The following DNAH12 variants were observed in gnomAD, a reference collection of about 807,000 sequenced individuals.
DNAH12 encodes dynein axonemal heavy chain 12.
DNAH12 carries 285 observed loss-of-function variants against 371.5 expected under a neutral mutation model. The ratio of observed to expected loss-of-function variants is 0.77; its 90% CI spans 0.70 to 0.85. The LOEUF (loss-of-function observed/expected upper bound fraction) is 0.85. DNAH12 is among the 40% of genes least tolerant of loss of function. The pLI is 0.00. For missense variants in DNAH12, 3,611 were observed against 3,689.4 expected (o/e 0.98, Z 0.55); for synonymous variants, 1,200 against 1,213.0 (o/e 0.99, Z 0.22).
intron 8 of DNAH12, among the ~76,000 whole-genome samples, chr3:57,505,134 C>A (rs1252255540): frequency 1.3e-5 from 2 of 152,150 alleles, no homozygotes; most frequent in Admixed American, 6.5e-5. Context: ...AGTGACCCGC[C>A]TGCTTTGGCC....
chr3:57,309,305 A>G, intron 68 of DNAH12, 51 bp from the exon 69 acceptor site: 1 of 1,353,048 alleles, frequency 7.4e-7, no homozygotes, highest in Non-Finnish European at 1.0e-6. Flanking sequence ...ATGGATAATT[A>G]GCTTAATTCA....
At position 57,470,615 on chromosome 3, in the gene DNAH12, G is replaced by A. The variant is rs2066338529; in HGVS notation, c.1933C>T (p.Leu645=). ...MQQYVTDVRQ[L]QKRIQESEEA... is the part of the protein sequence containing the mutation. ...TCAGATTCCTGAATACGTTTTTGTA[G>A]TTGTCTTACATCTGTCACATACTGA... The change falls in exon 16 of 74, where the codon CTA becomes TTA. Residue 645 remains leucine, a synonymous_variant. Coordinates refer to ENST00000495027, the MANE Select transcript of DNAH12 (RefSeq NM_001366028.2). The A allele has an allele frequency of 3.9e-6, 6 of 1,539,718 alleles. No individual in the cohort carries two copies. The highest frequency in any genetic ancestry group is 5.2e-6 in the Non-Finnish European group (6 of 1,144,568).
Position 57,468,784 on chromosome 3 carries a change from A to G in DNAH12, c.2301T>C (p.Ala767=), listed in dbSNP as rs374744704. Residue 767 remains alanine (A), a synonymous_variant, in exon 17 of 74, where the codon GCT becomes GCC. Coordinates refer to ENST00000495027, the MANE Select transcript of DNAH12 (RefSeq NM_001366028.2). ...TGACTGTACTGCACATAGTAATAGT[A>G]GCATTGTCTTTTGGTTCTTCTTCAA... The part of the protein sequence containing the change: ...EKIEEEPKDN[A]TITMCSTVME... 54 of 1,530,134 alleles carry G rather than the reference A, an allele frequency of 3.5e-5. No individual in the cohort carries two copies. Among genetic ancestry groups the G allele is most frequent in the Non-Finnish European group, 4.6e-5 (52 of 1,142,034 alleles). 94.8% of individuals were successfully genotyped at this position (1,530,134 alleles called of 1,614,324 possible).
Position 57,489,684 on chromosome 3 carries a change from T to A in DNAH12, c.1339A>T (p.Ile447Leu). The change falls in exon 12 of 74, where the codon ATA becomes TTA. Residue 447 changes from isoleucine (I) to leucine (L), a missense_variant. Ile to Leu is a conservative substitution (Grantham distance 5). Transcript: ENST00000495027. ...DHTFDEYTEFIEKFLSLASEI... is the reference protein window; with the variant it reads ...DHTFDEYTEFLEKFLSLASEI... ...GAGGCAAGACTGAGAAATTTTTCTATAAACTTGAAAAAAAGTGTTCAAATG... is the reference window on the plus strand; with the variant it reads ...GAGGCAAGACTGAGAAATTTTTCTAAAAACTTGAAAAAAAGTGTTCAAATG... 6.7e-7 allele frequency: 1 copy of A among 1,500,852 alleles called. No individual in the cohort carries two copies. Among genetic ancestry groups the A allele is most frequent in the Admixed American group, 2.9e-5 (1 of 34,368 alleles). 93.0% of individuals were successfully genotyped at this position (1,500,852 alleles called of 1,614,324 possible).
intron 15 of DNAH12, among the ~76,000 whole-genome samples, chr3:57,471,120 C>A (rs1013917726): frequency 2.6e-5 from 4 of 151,958 alleles, no homozygotes; most frequent in Non-Finnish European, 5.9e-5. Context: ...TAACATAGTT[C>A]CAGTTTTGGG....
chr3:57,462,963 G>A, intron 17 of DNAH12, 88 bp from the exon 18 acceptor site: 2 of 815,072 alleles, frequency 2.5e-6, no homozygotes, highest in Non-Finnish European at 3.7e-6. Context: ...TGATATAAGG[G>A]TTACATTTCT....
chr3:57,302,547 A>T (rs1422610092), intron 69 of DNAH12, among the ~76,000 whole-genome samples: 1 of 87,492 alleles, frequency 1.1e-5, no homozygotes, highest in Non-Finnish European at 2.1e-5. Context: ...ATATATATAT[A>T]TATATATATA....
intron 70 of DNAH12, among the ~76,000 whole-genome samples, chr3:57,297,741 C>A (rs1002114386): frequency 3.3e-5 from 5 of 152,242 alleles, no homozygotes; most frequent in African/African-American, 1.2e-4. Context: ...TCTTTCTGTA[C>A]CAGTGCATGT....
rs1194759851 is a variant in DNAH12, at chr3:57,445,202, T to C, written c.4397A>G (p.Lys1466Arg). The C allele has an allele frequency of 1.3e-6, 2 of 1,546,706 alleles. No homozygotes were observed. Among genetic ancestry groups the C allele is most frequent in the East Asian group, 4.9e-5 (2 of 40,798 alleles). Reference sequence around the variant, plus strand: ...TATATCTTCATTTTCATTTGGGTATTTTAGTTTTAGATTGCCAGCAGCCAC... The same window carrying C: ...TATATCTTCATTTTCATTTGGGTATCTTAGTTTTAGATTGCCAGCAGCCAC... ...VLVAAGNLKL[K>R]YPNENEDILL... The change falls in exon 28 of 74, where the codon AAA (lysine) becomes AGA (arginine). Residue 1466 changes from lysine to arginine, a missense_variant. Transcript: ENST00000495027.
chr3:57,517,088 G>A (rs752731865), intron 4 of DNAH12, among the ~76,000 whole-genome samples: 4 of 151,982 alleles, frequency 2.6e-5, no homozygotes, highest in Admixed American at 6.6e-5. Flanking sequence ...GTCTTTCCAC[G>A]GCTGGCTCCT....
the DNAH12 span, among the ~76,000 whole-genome samples, chr3:57,554,026 T>A: frequency 6.6e-6 from 1 of 151,840 alleles, no homozygotes; most frequent in Admixed American, 6.6e-5. Context: ...GGTTTCACCA[T>A]GTTTAGTAGA....
chr3:57,437,075 A>T lies in DNAH12; in HGVS notation c.4546-15T>A, dbSNP rs1205200270. 1.4e-6 allele frequency: 2 copies of T among 1,470,176 alleles called. No homozygotes were observed. The highest frequency in any genetic ancestry group is 2.7e-5 in the South Asian group (2 of 73,702). 91.1% of individuals were successfully genotyped at this position (1,470,176 alleles called of 1,614,324 possible). On this transcript the variant is annotated splice_polypyrimidine_tract_variant and intron_variant, in intron 29 of 73. Transcript: ENST00000495027. ...TCCAAAAATTCCTGAAATAAAAAAA[A>T]GTAATGCATTTCTACAACACAATAT... is the stretch of plus-strand genomic sequence containing the variant.
Position 57,459,605 on chromosome 3 carries a change from G to C in DNAH12, c.2918C>G (p.Ala973Gly). The change falls in exon 20 of 74, where the codon GCT (alanine) becomes GGT (glycine). Residue 973 changes from alanine (A) to glycine (G), a missense_variant. By Grantham distance (60) the Ala-to-Gly change is moderately conservative. Transcript: ENST00000495027. The part of the protein sequence containing the change: ...RHWRDIMKFC[A>G]KDPKVLAATS... Reference sequence around the variant, plus strand: ...CAAACACTTCACCTTTGGATCTTTAGCACAAAACTTCATGATATCTCTCCA... The same window carrying C: ...CAAACACTTCACCTTTGGATCTTTACCACAAAACTTCATGATATCTCTCCA... 1 of 1,498,320 alleles carries C rather than the reference G, an allele frequency of 6.7e-7. No individual in the cohort carries two copies. Among genetic ancestry groups the C allele is most frequent in the Non-Finnish European group, 9.0e-7 (1 of 1,112,486 alleles). The allele number at this position is 1,498,320 out of a possible 1,614,324, so 92.8% of individuals were successfully genotyped here.
At chr3:57,487,888 T>G (rs868749868) in intron 12 of DNAH12, among the ~76,000 whole-genome samples, 30 of 151,942 alleles carry the variant, frequency 2.0e-4, no homozygotes, top group Admixed American at 3.3e-4. Context: ...TTGTTTTTTG[T>G]TTTTTGGTTT....
chr3:57,410,821 C>CAAAA (rs36056798), intron 39 of DNAH12, among the ~76,000 whole-genome samples: 1 of 146,594 alleles, frequency 6.8e-6, no homozygotes, highest in African/African-American at 2.5e-5. Context: ...GTCTCAAAGG[C>CAAAA]AAAAAAAAAA....
At chr3:57,439,841 GA>G (rs397779871) in intron 29 of DNAH12, among the ~76,000 whole-genome samples, 1 of 150,728 alleles carries the variant, frequency 6.6e-6, no homozygotes, top group Non-Finnish European at 1.5e-5. Context: ...AATTGAACAG[GA>G]AAAAAAAACA....
chr3:57,520,077 G>GAGCCGCC, intron 4 of DNAH12: 3 of 581,300 alleles, frequency 5.2e-6, no homozygotes, highest in South Asian at 2.0e-5. Context: ...CGGCTCTGTG[G>GAGCCGCC]CTACAGCGTT....
chr3:57,389,795 C>T (rs1386094416), intron 45 of DNAH12, among the ~76,000 whole-genome samples: 2 of 87,062 alleles, frequency 2.3e-5, no homozygotes, highest in African/African-American at 7.1e-5. Flanking sequence ...TATATATACA[C>T]ATATGTGTGT....
At chr3:57,405,168 A>C in intron 41 of DNAH12, 21 bp from the exon 42 acceptor site, 1 of 1,483,720 alleles carries the variant, frequency 6.7e-7, no homozygotes, top group Non-Finnish European at 8.9e-7. Context: ...GAAATCAACA[A>C]ATTTTAAAAC....
Sources: gnomAD v4.1 joint callset for allele counts (sites outside exome capture counted in the v4.1 genomes callset) on GRCh38, gnomAD v4.1.1 for gene constraint, MANE v1.5 for transcripts, NCBI Gene and HGNC (gene_info 2026-07-23, HGNC 2026-07-21) for gene names.